The following TMEM132E variants were observed in gnomAD, a reference collection of about 807,000 sequenced individuals.
The protein encoded by TMEM132E is transmembrane protein 132E.
Under a neutral mutation model 78.5 loss-of-function variants are expected in TMEM132E, and 49 were observed. That is an observed-to-expected ratio of 0.62 (90% confidence interval 0.50 to 0.79). The LOEUF (loss-of-function observed/expected upper bound fraction) is 0.79, where lower values mean the gene tolerates loss of function less well. Ranked by LOEUF, TMEM132E falls within the 30% of genes least tolerant of loss-of-function variation. The probability of loss-of-function intolerance (pLI) is 0.00; values close to 1 mark genes in which losing one functional copy is unlikely to be tolerated. For missense variants in TMEM132E, 1,403 were observed against 1,470.9 expected, an observed-to-expected ratio of 0.95 and a Z score of 0.75; for synonymous variants, 715 against 670.6, an observed-to-expected ratio of 1.07 and a Z score of -1.02.
rs1286716461 is a variant in TMEM132E at position 34,579,856 on chromosome 17, A to T, written c.-1221A>T. Reference sequence around the variant, plus strand: ...GCCGCGCCCGCGTCTCACCGCCCGCAGCCCGGACTGGCGCGGCGATCCGCT... The same window carrying T: ...GCCGCGCCCGCGTCTCACCGCCCGCTGCCCGGACTGGCGCGGCGATCCGCT... On this transcript the variant is annotated 5_prime_UTR_variant, in exon 1 of 9. Transcript: ENST00000631683. 1.3e-5 allele frequency: 2 copies of T among 152,102 alleles called. No homozygotes were observed. The highest frequency in any genetic ancestry group is 3.9e-4 in the East Asian group (2 of 5,160). The allele number at this position is 152,102 out of a possible 1,614,324, so 9.4% of individuals were successfully genotyped here. A position where few individuals can be genotyped will look rare whatever the true frequency, so the allele number is the denominator to read the frequency against.
At position 34,626,082 on chromosome 17, in the gene TMEM132E, G is replaced by C. The variant is rs199589445; in HGVS notation, c.68-45G>C. 8.9e-5 allele frequency: 128 copies of C among 1,443,218 alleles called. 1 individual carries two copies. The African/African-American group carries it at 1.6e-3, about 19-fold the overall frequency. The allele number at this position is 1,443,218 out of a possible 1,614,324, so 89.4% of individuals were successfully genotyped here. A position where few individuals can be genotyped will look rare whatever the true frequency, so the allele number is the denominator to read the frequency against. ...GGGGGCACCCTGGGGTCCCAGCGTG[G>C]CCTCTCCTGACCACCCTGGGCCTCT... On this transcript the variant is annotated intron_variant, in intron 1 of 8. Coordinates refer to ENST00000631683, the MANE Select transcript of TMEM132E (RefSeq NM_001304438.2).
intron 1 of TMEM132E, among the ~76,000 whole-genome samples, chr17:34,613,802 T>C (rs1266196024): frequency 6.6e-6 from 1 of 151,764 alleles, no homozygotes; most frequent in Non-Finnish European, 1.5e-5. Context: ...TTGGTGGCAG[T>C]TCTCCTCTCT....
intron 1 of TMEM132E, among the ~76,000 whole-genome samples, chr17:34,590,762 A>G (rs953653878): frequency 2.0e-5 from 3 of 152,200 alleles, no homozygotes; most frequent in African/African-American, 7.2e-5. Flanking sequence ...CTTTGGCCCA[A>G]TGTTCCATGA....
intron 1 of TMEM132E, among the ~76,000 whole-genome samples, chr17:34,585,593 G>T: frequency 6.6e-6 from 1 of 152,018 alleles, no homozygotes; most frequent in East Asian, 1.9e-4. Flanking sequence ...GTTTGTTCTG[G>T]AATCAGAACA....
At position 34,581,067 on chromosome 17, in the gene TMEM132E, C is replaced by T. The variant is rs1262567802; in HGVS notation, c.-10C>T. The stretch of plus-strand genomic sequence containing the variant: ...TGCTCTCTCGGACCCCTCCCGCCCC[C>T]GCCTCGGCCATGGCCCCGGGGATGT... On this transcript the variant is annotated 5_prime_UTR_variant, in exon 1 of 9. Coordinates refer to ENST00000631683, the MANE Select transcript of TMEM132E (RefSeq NM_001304438.2). The T allele has an allele frequency of 2.6e-6, 4 of 1,545,402 alleles. No individual in the cohort carries two copies. In the Admixed American group the frequency reaches 7.7e-5, roughly 30 times the overall value.
intron 1 of TMEM132E, among the ~76,000 whole-genome samples, chr17:34,601,043 T>C (rs1362375749): frequency 1.3e-5 from 2 of 152,214 alleles, no homozygotes; most frequent in African/African-American, 4.8e-5. Context: ...ATGGCCTTCC[T>C]GCCTTCTCAC....
At chr17:34,586,028 G>A (rs1176532421) in intron 1 of TMEM132E, among the ~76,000 whole-genome samples, 1 of 151,952 alleles carries the variant, frequency 6.6e-6, no homozygotes, top group Non-Finnish European at 1.5e-5. Flanking sequence ...AAATGTGAGG[G>A]GGCGGTGCCC....
chr17:34,627,360 G>C (rs977412903), intron 2 of TMEM132E, among the ~76,000 whole-genome samples: 2 of 152,266 alleles, frequency 1.3e-5, no homozygotes, highest in East Asian at 3.9e-4. Flanking sequence ...CAGAATAATA[G>C]AACTGGGACT....
intron 1 of TMEM132E, among the ~76,000 whole-genome samples, chr17:34,605,773 G>A (rs941885209): frequency 1.3e-5 from 2 of 152,198 alleles, no homozygotes; most frequent in Admixed American, 6.5e-5. Context: ...GGGTTCAGCT[G>A]GTTGGACTCC....
chr17:34,592,786 C>G (rs1455973554), intron 1 of TMEM132E, among the ~76,000 whole-genome samples: 1 of 152,194 alleles, frequency 6.6e-6, no homozygotes, highest in South Asian at 2.1e-4. Flanking sequence ...TCAAGGAACA[C>G]TTAGGAGTCA....
At chr17:34,625,474 T>C (rs1287201421) in intron 1 of TMEM132E, among the ~76,000 whole-genome samples, 1 of 152,200 alleles carries the variant, frequency 6.6e-6, no homozygotes, top group African/African-American at 2.4e-5. Context: ...GCTGGCCCCT[T>C]TGCCCATATA....
At chr17:34,585,621 G>A (rs1011158254) in intron 1 of TMEM132E, among the ~76,000 whole-genome samples, 5 of 150,742 alleles carry the variant, frequency 3.3e-5, no homozygotes, top group Non-Finnish European at 5.9e-5. Flanking sequence ...GAGCCCAAAT[G>A]GGGCTGTCTG....
chr17:34,589,623 T>C (rs180908732), intron 1 of TMEM132E, among the ~76,000 whole-genome samples: 3 of 152,240 alleles, frequency 2.0e-5, no homozygotes, highest in Non-Finnish European at 4.4e-5. Context: ...GACTGCAAAG[T>C]CAACTTCTTC....
intron 1 of TMEM132E, among the ~76,000 whole-genome samples, chr17:34,585,176 G>A (rs549477138): frequency 1.3e-5 from 2 of 152,378 alleles, no homozygotes; most frequent in Non-Finnish European, 2.9e-5. Flanking sequence ...AGGTGGGGAT[G>A]TGTTATAAAC....
intron 1 of TMEM132E, among the ~76,000 whole-genome samples, chr17:34,624,825 G>A (rs930345522): frequency 2.6e-5 from 4 of 152,180 alleles, no homozygotes; most frequent in South Asian, 4.1e-4. Context: ...GCATTGTGTT[G>A]CACAATTTAT....
At chr17:34,628,199 G>A (rs1383038107) in intron 2 of TMEM132E, among the ~76,000 whole-genome samples, 2 of 152,214 alleles carry the variant, frequency 1.3e-5, no homozygotes, top group South Asian at 2.1e-4. Context: ...GCCTGTGGCT[G>A]TTTTAGCTCA....
chr17:34,582,733 G>C (rs913510779), intron 1 of TMEM132E, among the ~76,000 whole-genome samples: 4 of 152,096 alleles, frequency 2.6e-5, no homozygotes, highest in African/African-American at 7.2e-5. Flanking sequence ...GAGCTGCATG[G>C]GCTGCACTTG....
intron 5 of TMEM132E, among the ~76,000 whole-genome samples, chr17:34,632,067 T>G (rs1907363605): frequency 6.6e-6 from 1 of 152,212 alleles, no homozygotes; most frequent in Non-Finnish European, 1.5e-5. Context: ...CCACATCCAT[T>G]GGTGGCAGCC....
In TMEM132E at chr17:34,629,022, G is replaced by A. The variant is rs1907253837; in HGVS notation, c.1156G>A (p.Gly386Ser). ...STPLPPREGQGPLEILQLDFE... is the reference protein window; with the variant it reads ...STPLPPREGQSPLEILQLDFE... The stretch of plus-strand genomic sequence containing the variant: ...CCCCTACCCTGGCAGGGAGGGCCAG[G>A]GCCCCTTGGAGATCTTGCAGCTGGA... Residue 386 changes from glycine to serine, a missense_variant, in exon 4 of 9, where the codon GGC becomes AGC. Gly to Ser is a moderately conservative substitution (Grantham distance 56). Around this residue, in one of 3 missense-constraint regions of TMEM132E, gnomAD observed 888 missense variants for 952.8 expected, o/e 0.93. Transcript: ENST00000631683. 6.4e-7 allele frequency: 1 copy of A among 1,566,142 alleles called. No homozygotes were observed. The highest frequency in any genetic ancestry group is 1.4e-5 in the African/African-American group (1 of 74,072).
Sources: allele counts gnomAD v4.1 joint callset (sites outside exome capture counted in the v4.1 genomes callset), GRCh38; gene constraint gnomAD v4.1.1; regional missense constraint gnomAD v4.1.1; transcripts MANE v1.5; gene names NCBI Gene and HGNC (gene_info 2026-07-23, HGNC 2026-07-21).